ADCY9: variants seen among roughly 807,000 people sequenced by gnomAD.
The protein encoded by ADCY9 is adenylate cyclase 9, also known as adenylate cyclase type 9.
In ADCY9, 50 loss-of-function variants were observed where a neutral mutation model predicts 101.5. The ratio of observed to expected loss-of-function variants is 0.49; its 90% CI spans 0.39 to 0.62. The LOEUF (loss-of-function observed/expected upper bound fraction) is 0.62. Among genes scored for constraint, ADCY9 ranks in the 20% least tolerant of loss-of-function variants. The pLI, the probability that ADCY9 is intolerant of heterozygous loss-of-function variation, is 0.00. For missense variants in ADCY9, 1,662 were observed against 1,800.4 expected (o/e 0.92, Z 1.39); for synonymous variants, 905 against 769.3 (o/e 1.18, Z -2.92).
Position 3,963,245 on chromosome 16 carries a change from C to G in ADCY9, c.*2530G>C. 1 of 396,960 alleles carries G rather than the reference C, an allele frequency of 2.5e-6. No homozygotes were observed. Among genetic ancestry groups the G allele is most frequent in the Non-Finnish European group, 4.4e-6 (1 of 225,218 alleles). 24.6% of individuals were successfully genotyped at this position (396,960 alleles called of 1,614,324 possible). ...CAATGCTGAAGTATTGCTTCCTGCC[C>G]TAAGTTCCTAAGAGGTATTGCCACC... On this transcript the variant is annotated 3_prime_UTR_variant, in exon 11 of 11. Transcript: ENST00000294016.
chr16:3,980,268 G>A (rs553680535), intron 7 of ADCY9, among the ~76,000 whole-genome samples: 26 of 126,946 alleles, frequency 2.0e-4, no homozygotes, highest in Non-Finnish European at 4.2e-4. Context: ...TTTCAGGAGT[G>A]TGATGTTGAC....
At chr16:4,027,125 A>G (rs1263755833) in intron 2 of ADCY9, among the ~76,000 whole-genome samples, 2 of 152,202 alleles carry the variant, frequency 1.3e-5, no homozygotes, top group Admixed American at 1.3e-4. Context: ...GGTGTAACCA[A>G]GTAACCAATG....
chr16:4,005,370 G>A (rs1264830301), intron 3 of ADCY9, among the ~76,000 whole-genome samples: 2 of 152,148 alleles, frequency 1.3e-5, no homozygotes, highest in Non-Finnish European at 2.9e-5. Flanking sequence ...GGGACCGCAG[G>A]CACAGGCCAC....
chr16:4,113,674 G>A (rs2057127780), intron 2 of ADCY9, 76 bp downstream of exon 2: 1 of 1,516,716 alleles, frequency 6.6e-7, no homozygotes, highest in African/African-American at 1.4e-5. Flanking sequence ...AGACACTGAG[G>A]CTGGAAGCTT....
At chr16:3,980,090 A>G (rs548332074) in intron 7 of ADCY9, among the ~76,000 whole-genome samples, 1 of 152,352 alleles carries the variant, frequency 6.6e-6, no homozygotes, top group African/African-American at 2.4e-5. Context: ...TGTCATGTTC[A>G]TCGTGCATGT....
chr16:4,089,200 G>A (rs909382571), intron 2 of ADCY9, among the ~76,000 whole-genome samples: 3 of 151,906 alleles, frequency 2.0e-5, no homozygotes, highest in Non-Finnish European at 4.4e-5. Flanking sequence ...TCAGCCTCCC[G>A]AGGGGCTGGG....
intron 2 of ADCY9, among the ~76,000 whole-genome samples, chr16:4,092,511 A>T (rs405470): frequency 0.41 from 62,164 of 152,010 alleles, 13,216 homozygotes; most frequent in African/African-American, 0.44. Flanking sequence ...ATTCTAATTG[A>T]CTTTCGATTA....
chr16:3,990,200 C>A (rs908890339), intron 5 of ADCY9, among the ~76,000 whole-genome samples: 6 of 152,174 alleles, frequency 3.9e-5, no homozygotes, highest in African/African-American at 1.4e-4. Flanking sequence ...CGCGGTGGCT[C>A]ATCCTTGTAA....
At chr16:4,023,811 G>T (rs1248962540) in intron 2 of ADCY9, among the ~76,000 whole-genome samples, 1 of 152,022 alleles carries the variant, frequency 6.6e-6, no homozygotes, top group African/African-American at 2.4e-5. Context: ...TTGGGAGGCT[G>T]AGGCACGAGC....
At chr16:4,081,166 C>T (rs1482935699) in intron 2 of ADCY9, among the ~76,000 whole-genome samples, 1 of 152,190 alleles carries the variant, frequency 6.6e-6, no homozygotes, top group Non-Finnish European at 1.5e-5. Flanking sequence ...CCATCTCCCG[C>T]AGCGGGGCAT....
chr16:4,025,761 T>C (rs1434871249), intron 2 of ADCY9, among the ~76,000 whole-genome samples: 1 of 152,098 alleles, frequency 6.6e-6, no homozygotes, highest in Non-Finnish European at 1.5e-5. Context: ...GGCCAACTTC[T>C]ATTGTGAAGA....
chr16:4,049,073 G>T (rs971659331), intron 2 of ADCY9, among the ~76,000 whole-genome samples: 7 of 147,436 alleles, frequency 4.7e-5, no homozygotes, highest in African/African-American at 1.8e-4. Context: ...GGCAGCAAAG[G>T]ACACTACTAA....
intron 2 of ADCY9, among the ~76,000 whole-genome samples, chr16:4,067,782 CTT>C (rs2056809524): frequency 6.6e-6 from 1 of 152,180 alleles, no homozygotes; most frequent in Non-Finnish European, 1.5e-5. Flanking sequence ...CTCCCAAACA[CTT>C]TGCCACTGTA....
At chr16:4,040,818 C>T (rs77430131) in intron 2 of ADCY9, among the ~76,000 whole-genome samples, 2,632 of 152,222 alleles carry the variant, frequency 0.017, 77 homozygotes, top group African/African-American at 0.059. Flanking sequence ...AGTATCTACA[C>T]GAGTCTTTTC....
intron 2 of ADCY9, among the ~76,000 whole-genome samples, chr16:4,026,425 CAAAA>C (rs34756033): frequency 1.0e-5 from 1 of 97,748 alleles, no homozygotes. Flanking sequence ...GACTCCGTCT[CAAAA>C]AAAAAAAAAA....
intron 8 of ADCY9, among the ~76,000 whole-genome samples, 179 bp downstream of exon 8, chr16:3,978,937 G>A (rs527866426): frequency 6.6e-6 from 1 of 152,182 alleles, no homozygotes; most frequent in East Asian, 1.9e-4. Flanking sequence ...GGATGGTCTC[G>A]ATCTCTTGAC....
intron 2 of ADCY9, among the ~76,000 whole-genome samples, chr16:4,012,475 C>CAAAAAA (rs35681254): frequency 7.2e-6 from 1 of 139,008 alleles, no homozygotes; most frequent in Non-Finnish European, 1.5e-5. Flanking sequence ...GCAGAAGGTC[C>CAAAAAA]AAAAAAAAAA....
At chr16:4,076,172 T>A (rs1450378472) in intron 2 of ADCY9, among the ~76,000 whole-genome samples, 2 of 152,190 alleles carry the variant, frequency 1.3e-5, no homozygotes, top group African/African-American at 4.8e-5. Context: ...GCCACTGTAC[T>A]GCAGCCTGTG....
intron 2 of ADCY9, among the ~76,000 whole-genome samples, chr16:4,022,361 C>G (rs1294360992): frequency 6.6e-6 from 1 of 151,952 alleles, no homozygotes; most frequent in Admixed American, 6.6e-5. Flanking sequence ...GCCTGGTGGC[C>G]CATGCTGTAA....
Sources: gnomAD v4.1 joint callset for allele counts (sites outside exome capture counted in the v4.1 genomes callset) on GRCh38, gnomAD v4.1.1 for gene constraint, MANE v1.5 for transcripts, NCBI Gene and HGNC (gene_info 2026-07-23, HGNC 2026-07-21) for gene names.